Variants in BLVRA observed in about 807,000 individuals in gnomAD.
BLVRA encodes biliverdin reductase A.
BLVRA carries 22 observed loss-of-function variants against 32.8 expected under a neutral mutation model. The observed-to-expected ratio is 0.67, with a 90% CI of 0.48 to 0.96. BLVRA has a LOEUF of 0.96. Ranked by LOEUF, BLVRA falls within the 40% of genes least tolerant of loss-of-function variation. The pLI, the probability that BLVRA is intolerant of heterozygous loss-of-function variation, is 0.00. For missense variants in BLVRA, 323 were observed against 358.1 expected, an observed-to-expected ratio of 0.90 and a Z score of 0.79; for synonymous variants, 119 against 141.3, an observed-to-expected ratio of 0.84 and a Z score of 1.12.
At chr7:43,763,600 C>T (rs1347333547) in intron 1 of BLVRA, among the ~76,000 whole-genome samples, 1 of 152,188 alleles carries the variant, frequency 6.6e-6, no homozygotes, top group Non-Finnish European at 1.5e-5. Context: ...CACCCGTGGG[C>T]CACTACTGCT....
At chr7:43,772,504 G>A (rs2095755767) in intron 2 of BLVRA, among the ~76,000 whole-genome samples, 1 of 152,224 alleles carries the variant, frequency 6.6e-6, no homozygotes, top group Non-Finnish European at 1.5e-5. Flanking sequence ...AGGGCTGGGT[G>A]TGGAAAGAAG....
At position 43,762,604 on chromosome 7, in the gene BLVRA, TC is replaced by T. The variant is rs1350566779; in HGVS notation, c.-22+3872del. On this transcript the variant is annotated intron_variant, in intron 1 of 7. Coordinates refer to ENST00000265523, the MANE Select transcript of BLVRA (RefSeq NM_000712.4). ...TAGTGATTTCCATGAACCCAGTAGT[TC>T]CTTTTTTTTTTTTTTTTTTTTTTTA... is the stretch of plus-strand genomic sequence containing the variant. Among the ~76,000 whole-genome samples, 69 of 139,302 alleles carry T rather than the reference TC, an allele frequency of 5.0e-4. 1 individual carries two copies. Among genetic ancestry groups the T allele is most frequent in the Non-Finnish European group, 6.1e-4 (40 of 65,236 alleles). The allele number at this position is 139,302 out of a possible 152,430, so 91.4% of individuals were successfully genotyped here.
intron 2 of BLVRA, among the ~76,000 whole-genome samples, chr7:43,786,410 G>A (rs2095777595): frequency 6.6e-6 from 1 of 152,098 alleles, no homozygotes; most frequent in Non-Finnish European, 1.5e-5. Context: ...AGAACTGAAA[G>A]GAGAAATACA....
chr7:43,774,263 T>A (rs1327782278), intron 2 of BLVRA, among the ~76,000 whole-genome samples: 64 of 152,234 alleles, frequency 4.2e-4, no homozygotes, highest in African/African-American at 1.5e-3. Context: ...TAGGGTTTTA[T>A]GGTTTTAGGT....
chr7:43,785,929 T>A (rs1227153076), intron 2 of BLVRA, among the ~76,000 whole-genome samples: 1 of 151,968 alleles, frequency 6.6e-6, no homozygotes. Flanking sequence ...TAAAATGGAA[T>A]CATAATAAAT....
At position 43,791,353 on chromosome 7, in the gene BLVRA, A is replaced by G. The variant is rs756294786; in HGVS notation, c.239A>G (p.His80Arg). 2.5e-5 allele frequency: 40 copies of G among 1,614,178 alleles called. No homozygotes were observed. Among genetic ancestry groups the G allele is most frequent in the Non-Finnish European group, 3.3e-5 (39 of 1,180,014 alleles). The change falls in exon 4 of 8, where the codon CAT becomes CGT. Residue 80 changes from histidine to arginine, a missense_variant. Physicochemically the swap from His to Arg is conservative, Grantham distance 29. Transcript: ENST00000265523. ...TATATCTGCAGTGAGAGCTCCAGCC[A>G]TGAGGACTACATCAGGTGGGTTTTC... is the stretch of plus-strand genomic sequence containing the variant. ...VAYICSESSS[H>R]EDYIRQFLNA... is the part of the protein sequence containing the mutation.
At chr7:43,785,722 C>T (rs1009884885) in intron 2 of BLVRA, among the ~76,000 whole-genome samples, 23 of 152,082 alleles carry the variant, frequency 1.5e-4, no homozygotes, top group Admixed American at 3.9e-4. Context: ...GAGAATCTCT[C>T]GCTTCAATAT....
At chr7:43,771,740 G>A (rs1055329459) in intron 2 of BLVRA, among the ~76,000 whole-genome samples, 8 of 152,170 alleles carry the variant, frequency 5.3e-5, no homozygotes, top group Non-Finnish European at 1.0e-4. Context: ...CAAGAGGGGG[G>A]TCTTGGGTGA....
At position 43,791,334 on chromosome 7, in the gene BLVRA, T is replaced by C. The variant is rs2095785704; in HGVS notation, c.220T>C (p.Cys74Arg). ...CCAAGAGGTGGAGGTCGCCTATATC[T>C]GCAGTGAGAGCTCCAGCCATGAGGA... ...SSQEVEVAYI[C>R]SESSSHEDYI... Residue 74 changes from cysteine (C) to arginine (R), a missense_variant, in exon 4 of 8, where the codon TGC becomes CGC. Coordinates refer to ENST00000265523, the MANE Select transcript of BLVRA (RefSeq NM_000712.4). 1 of 1,614,072 alleles carries C rather than the reference T, an allele frequency of 6.2e-7. No homozygotes were observed. Among genetic ancestry groups the C allele is most frequent in the Admixed American group, 1.7e-5 (1 of 59,994 alleles).
At chr7:43,782,219 T>A (rs145041553) in intron 2 of BLVRA, among the ~76,000 whole-genome samples, 46 of 152,304 alleles carry the variant, frequency 3.0e-4, no homozygotes, top group African/African-American at 1.1e-3. Context: ...TCTAATGCAA[T>A]CCAGAGCTTG....
chr7:43,795,996 C>T (rs904861410), intron 5 of BLVRA, among the ~76,000 whole-genome samples: 4 of 150,786 alleles, frequency 2.7e-5, no homozygotes, highest in Admixed American at 1.3e-4. Context: ...CCCAGCTACT[C>T]GGGAGGCTGA....
At chr7:43,794,551 A>C (rs974636302) in intron 5 of BLVRA, among the ~76,000 whole-genome samples, 1 of 152,154 alleles carries the variant, frequency 6.6e-6, no homozygotes, top group African/African-American at 2.4e-5. Context: ...CCTGGCCAAC[A>C]TGGTGAAACC....
At chr7:43,804,375 A>C (rs2095801963) in intron 7 of BLVRA, among the ~76,000 whole-genome samples, 1 of 152,188 alleles carries the variant, frequency 6.6e-6, no homozygotes, top group African/African-American at 2.4e-5. Context: ...TGGGAGGCAG[A>C]GGTTGCAGTG....
rs1309719318 is a variant in BLVRA, at chr7:43,760,696, AT to A, written c.-22+1965del. On this transcript the variant is annotated intron_variant, in intron 1 of 7. Transcript: ENST00000265523. ...ATGGACAGTGTATACCTTTTTGTGT[AT>A]TTAAAAAAAAAAACACTGAATATAG... Among the ~76,000 whole-genome samples, 35 of 149,420 alleles carry A rather than the reference AT, an allele frequency of 2.3e-4. No individual in the cohort carries two copies. In the South Asian group the frequency reaches 7.3e-3, roughly 31 times the overall value.
intron 4 of BLVRA, among the ~76,000 whole-genome samples, chr7:43,792,020 GAA>G (rs2095786720): frequency 1.3e-5 from 2 of 152,114 alleles, no homozygotes; most frequent in African/African-American, 2.4e-5. Flanking sequence ...ATTTCCTTAA[GAA>G]AAGTGATTCT....
chr7:43,784,748 C>T (rs1185842852), intron 2 of BLVRA, among the ~76,000 whole-genome samples: 2 of 151,978 alleles, frequency 1.3e-5, no homozygotes, highest in Admixed American at 6.6e-5. Flanking sequence ...GGGTTACAGG[C>T]ACCCGCCACC....
At chr7:43,778,998 C>T (rs1206937742) in intron 2 of BLVRA, among the ~76,000 whole-genome samples, 5 of 152,236 alleles carry the variant, frequency 3.3e-5, no homozygotes, top group Non-Finnish European at 7.3e-5. Context: ...GTTTTTTAAG[C>T]CTGTTGGAAA....
intron 2 of BLVRA, among the ~76,000 whole-genome samples, chr7:43,785,574 C>T (rs2095776409): frequency 6.6e-6 from 1 of 152,174 alleles, no homozygotes; most frequent in Non-Finnish European, 1.5e-5. Flanking sequence ...GGAGACAGTT[C>T]AGTCAGATGT....
chr7:43,766,249 GCAC>G (rs2132545608), intron 1 of BLVRA, among the ~76,000 whole-genome samples: 1 of 145,140 alleles, frequency 6.9e-6, no homozygotes, highest in Admixed American at 7.2e-5. Context: ...TCCCACCATT[GCAC>G]TCCAGCCTGA....
Sources: allele counts gnomAD v4.1 joint callset (sites outside exome capture counted in the v4.1 genomes callset), GRCh38; gene constraint gnomAD v4.1.1; transcripts MANE v1.5; gene names NCBI Gene and HGNC (gene_info 2026-07-23, HGNC 2026-07-21).